ADAMTS6: variants seen among roughly 807,000 people sequenced by gnomAD.
ADAMTS6 encodes A disintegrin and metalloproteinase with thrombospondin motifs 6.
In ADAMTS6, 23 loss-of-function variants were observed where a neutral mutation model predicts 144.3. That is an observed-to-expected ratio of 0.16 (90% CI 0.11 to 0.23). The LOEUF is 0.23. ADAMTS6 is among the 10% of genes least tolerant of loss of function. The pLI is 1.00. For synonymous variants in ADAMTS6, 444 were observed against 457.5 expected (o/e 0.97, Z 0.38); for missense variants, 999 against 1,379.6 (o/e 0.72, Z 4.37).
chr5:65,474,976 G>A (rs926557453), intron 1 of ADAMTS6, among the ~76,000 whole-genome samples: 7 of 151,884 alleles, frequency 4.6e-5, no homozygotes, highest in African/African-American at 1.7e-4. Context: ...TCCAAAATAA[G>A]AAGATAAATG....
chr5:65,465,012 A>G (rs940040726), intron 3 of ADAMTS6, among the ~76,000 whole-genome samples: 6 of 151,952 alleles, frequency 3.9e-5, no homozygotes, highest in African/African-American at 1.5e-4. Flanking sequence ...CTAAACCACA[A>G]CCTTGATAAG....
intron 11 of ADAMTS6, among the ~76,000 whole-genome samples, chr5:65,279,250 A>T (rs1480761544): frequency 2.7e-5 from 4 of 150,132 alleles, no homozygotes; most frequent in African/African-American, 9.8e-5. Flanking sequence ...CGACCTTTGT[A>T]GTCTTTCTTG....
At chr5:65,312,060 C>T (rs1744544535) in intron 9 of ADAMTS6, among the ~76,000 whole-genome samples, 1 of 151,812 alleles carries the variant, frequency 6.6e-6, no homozygotes, top group Non-Finnish European at 1.5e-5. Flanking sequence ...TAAAGTCTGC[C>T]TCCAAAGGAA....
chr5:65,250,885 C>A (rs766313975), intron 14 of ADAMTS6, among the ~76,000 whole-genome samples: 1 of 152,082 alleles, frequency 6.6e-6, no homozygotes, highest in Non-Finnish European at 1.5e-5. Flanking sequence ...TGGTTTATAA[C>A]CTTTATATAG....
chr5:65,452,501 C>T (rs907314271), intron 5 of ADAMTS6, among the ~76,000 whole-genome samples: 1 of 149,298 alleles, frequency 6.7e-6, no homozygotes, highest in African/African-American at 2.5e-5. Context: ...TTTAACAATC[C>T]ACTAAAACTG....
intron 7 of ADAMTS6, among the ~76,000 whole-genome samples, chr5:65,380,247 C>T (rs992968053): frequency 1.1e-4 from 16 of 151,800 alleles, no homozygotes; most frequent in Non-Finnish European, 2.1e-4. Context: ...ACGGAATTAA[C>T]AACTAGCACT....
chr5:65,250,883 A>G (rs577587380), intron 14 of ADAMTS6, among the ~76,000 whole-genome samples: 1 of 152,342 alleles, frequency 6.6e-6, no homozygotes, highest in South Asian at 2.1e-4. Context: ...TTTGGTTTAT[A>G]ACCTTTATAT....
At chr5:65,435,652 G>A (rs756436344) in intron 7 of ADAMTS6, among the ~76,000 whole-genome samples, 4 of 151,020 alleles carry the variant, frequency 2.6e-5, no homozygotes, top group African/African-American at 4.9e-5. Flanking sequence ...TTGAGACAGA[G>A]TCTTGCTCCA....
chr5:65,370,553 C>T (rs1750776221), intron 7 of ADAMTS6, among the ~76,000 whole-genome samples: 1 of 152,180 alleles, frequency 6.6e-6, no homozygotes, highest in Non-Finnish European at 1.5e-5. Context: ...CACCCAAATA[C>T]CGCGCTTTTC....
chr5:65,260,715 AAG>A, intron 13 of ADAMTS6, 52 bp from the exon 14 acceptor site: 1 of 1,378,166 alleles, frequency 7.3e-7, no homozygotes. Flanking sequence ...TGTCCATACA[AAG>A]AGTATATATA....
At chr5:65,437,158 G>A (rs1046209665) in intron 7 of ADAMTS6, among the ~76,000 whole-genome samples, 3 of 150,796 alleles carry the variant, frequency 2.0e-5, no homozygotes, top group Non-Finnish European at 4.4e-5. Flanking sequence ...GCAGTGGTGC[G>A]ATCTCGGCTC....
intron 21 of ADAMTS6, among the ~76,000 whole-genome samples, chr5:65,189,510 T>C (rs1754876940): frequency 6.6e-6 from 1 of 152,192 alleles, no homozygotes; most frequent in Non-Finnish European, 1.5e-5. Context: ...GAGTCCTTGA[T>C]TCCAGCCATT....
chr5:65,229,284 C>A (rs1465675711), intron 15 of ADAMTS6, among the ~76,000 whole-genome samples: 1 of 152,128 alleles, frequency 6.6e-6, no homozygotes, highest in African/African-American at 2.4e-5. Context: ...CTGAGAGAGC[C>A]TCAGAATCTT....
chr5:65,333,657 T>G (rs1329472193), intron 8 of ADAMTS6, among the ~76,000 whole-genome samples: 2 of 151,906 alleles, frequency 1.3e-5, no homozygotes, highest in Non-Finnish European at 2.9e-5. Context: ...AGATGTTGAC[T>G]GCTTTCATTT....
intron 15 of ADAMTS6, among the ~76,000 whole-genome samples, chr5:65,238,388 A>C (rs974792137): frequency 3.9e-5 from 6 of 152,098 alleles, no homozygotes; most frequent in Non-Finnish European, 7.4e-5. Flanking sequence ...GGATCACTTG[A>C]GTCCAGGAGT....
intron 18 of ADAMTS6, among the ~76,000 whole-genome samples, chr5:65,217,198 C>A (rs917444542): frequency 4.6e-5 from 7 of 152,170 alleles, no homozygotes; most frequent in African/African-American, 1.7e-4. Flanking sequence ...TGGCCTTGAA[C>A]TTTTTGTGTA....
chr5:65,357,131 T>C (rs1749393956), intron 7 of ADAMTS6, among the ~76,000 whole-genome samples: 1 of 151,582 alleles, frequency 6.6e-6, no homozygotes, highest in South Asian at 2.1e-4. Context: ...GTATCAATGG[T>C]ATGAAACTAG....
At chr5:65,455,353 T>A (rs2150255061) in intron 4 of ADAMTS6, among the ~76,000 whole-genome samples, 1 of 152,098 alleles carries the variant, frequency 6.6e-6, no homozygotes, top group East Asian at 1.9e-4. Flanking sequence ...GCCAGCCTGG[T>A]CAACATGGTG....
At chr5:65,161,485 T>C (rs1052523753) in intron 24 of ADAMTS6, among the ~76,000 whole-genome samples, 7 of 152,244 alleles carry the variant, frequency 4.6e-5, no homozygotes, top group Non-Finnish European at 8.8e-5. Flanking sequence ...GGCTTACTGA[T>C]TACTTAGTCT....
Sources: gnomAD v4.1 joint callset for allele counts (sites outside exome capture counted in the v4.1 genomes callset) on GRCh38, gnomAD v4.1.1 for gene constraint, MANE v1.5 for transcripts, NCBI Gene and HGNC (gene_info 2026-07-23, HGNC 2026-07-21) for gene names.